GRIK3: variants seen among roughly 807,000 people sequenced by gnomAD.
GRIK3 encodes glutamate ionotropic receptor kainate type subunit 3.
In GRIK3, 29 loss-of-function variants were observed where a neutral mutation model predicts 102.5. That is an observed-to-expected ratio of 0.28 (90% CI 0.21 to 0.39). The LOEUF is 0.39. Ranked by LOEUF, GRIK3 falls within the 10% of genes least tolerant of loss-of-function variation. The pLI is 1.00. For missense variants in GRIK3, 908 were observed against 1,252.4 expected (o/e 0.73, Z 4.15); for synonymous variants, 511 against 504.9 (o/e 1.01, Z -0.16).
intron 1 of GRIK3, among the ~76,000 whole-genome samples, chr1:37,024,981 G>T (rs151025119): frequency 5.9e-4 from 90 of 152,294 alleles, no homozygotes; most frequent in African/African-American, 2.1e-3. Flanking sequence ...TAGACTTAGA[G>T]AAAGTAAGTG....
intron 1 of GRIK3, among the ~76,000 whole-genome samples, chr1:37,003,658 T>C (rs1466769816): frequency 3.3e-5 from 5 of 152,184 alleles, no homozygotes; most frequent in Non-Finnish European, 5.9e-5. Flanking sequence ...CAAACCCATG[T>C]CTCTCCCCAA....
At chr1:37,010,476 TC>T (rs1319413628) in intron 1 of GRIK3, among the ~76,000 whole-genome samples, 1 of 151,978 alleles carries the variant, frequency 6.6e-6, no homozygotes, top group Non-Finnish European at 1.5e-5. Flanking sequence ...GGGATTCAAA[TC>T]CAGTGATTTT....
intron 15 of GRIK3, 111 bp downstream of exon 15, chr1:36,804,876 G>T: frequency 7.5e-7 from 1 of 1,337,434 alleles, no homozygotes; most frequent in Non-Finnish European, 1.0e-6. Flanking sequence ...TGCAGGGTGA[G>T]CTGTTGTGAG....
chr1:36,833,927 G>A (rs557585394), intron 10 of GRIK3, among the ~76,000 whole-genome samples: 15 of 152,212 alleles, frequency 9.9e-5, no homozygotes, highest in Admixed American at 2.0e-4. Context: ...CTGACCTCTC[G>A]AGTCTCCAAG....
rs1642382472 is a variant in GRIK3 at position 36,797,634 on chromosome 1, T to G, written c.*4217A>C. The G allele has an allele frequency of 1.3e-5, 2 of 152,284 alleles. No individual in the cohort carries two copies. The highest frequency in any genetic ancestry group is 2.4e-5 in the African/African-American group (1 of 41,474). The allele number at this position is 152,284 out of a possible 1,614,324, so 9.4% of individuals were successfully genotyped here. On this transcript the variant is annotated 3_prime_UTR_variant, in exon 16 of 16. Transcript: ENST00000373091. Reference sequence around the variant, plus strand: ...CAGATGATAAGTCCATGCAGCTGTTTGTCCAAACCTCTAGCCCCTTTGCAG... The same window carrying G: ...CAGATGATAAGTCCATGCAGCTGTTGGTCCAAACCTCTAGCCCCTTTGCAG...
intron 1 of GRIK3, among the ~76,000 whole-genome samples, chr1:36,912,119 G>A (rs923954780): frequency 3.9e-5 from 6 of 152,212 alleles, no homozygotes; most frequent in Middle Eastern, 3.4e-3. Context: ...TCTGCGTCTC[G>A]CTTTTCCTTC....
Position 36,890,211 on chromosome 1 carries a change from C to T in GRIK3, c.292+709G>A, listed in dbSNP as rs369497496. 3.3e-4 allele frequency among the ~76,000 whole-genome samples: 50 copies of T among 152,168 alleles called. No homozygotes were observed. The South Asian group carries it at 5.2e-3, about 16-fold the overall frequency. The stretch of plus-strand genomic sequence containing the variant: ...TGGCCAGGCACAGTGGCCTGTAATC[C>T]CAGTACTCTGGGAGGCTGAGGTGGG... On this transcript the variant is annotated intron_variant, in intron 2 of 15. Coordinates refer to ENST00000373091, the MANE Select transcript of GRIK3 (RefSeq NM_000831.4).
intron 10 of GRIK3, among the ~76,000 whole-genome samples, chr1:36,841,394 G>A (rs1640447462): frequency 6.6e-6 from 1 of 152,214 alleles, no homozygotes; most frequent in African/African-American, 2.4e-5. Context: ...GCATCCTCTG[G>A]TGGTTTTTAA....
intron 9 of GRIK3, among the ~76,000 whole-genome samples, chr1:36,842,371 C>T (rs544537319): frequency 7.9e-5 from 12 of 152,286 alleles, no homozygotes; most frequent in South Asian, 4.1e-4. Flanking sequence ...CTAACTGAAC[C>T]GGAAACTCTG....
chr1:36,946,993 C>T (rs1308274536), intron 1 of GRIK3, among the ~76,000 whole-genome samples: 1 of 152,014 alleles, frequency 6.6e-6, no homozygotes, highest in Non-Finnish European at 1.5e-5. Context: ...AGAGGAGAAG[C>T]CCAGATACTT....
intron 8 of GRIK3, among the ~76,000 whole-genome samples, chr1:36,851,573 C>G (rs914188357): frequency 6.6e-6 from 1 of 152,232 alleles, no homozygotes. Flanking sequence ...ACATGAAGAG[C>G]ACAGACCCTC....
At chr1:36,857,875 C>A (rs1214979253) in intron 7 of GRIK3, among the ~76,000 whole-genome samples, 6 of 152,198 alleles carry the variant, frequency 3.9e-5, no homozygotes, top group African/African-American at 1.4e-4. Flanking sequence ...CCTGATGCCT[C>A]CCTCTCTAGG....
At chr1:36,946,625 A>G (rs1641787630) in intron 1 of GRIK3, among the ~76,000 whole-genome samples, 1 of 152,150 alleles carries the variant, frequency 6.6e-6, no homozygotes, top group Non-Finnish European at 1.5e-5. Flanking sequence ...CAATACCACA[A>G]ACAGTAATAA....
chr1:36,839,295 GCTGA>G (rs1447261376), intron 10 of GRIK3, among the ~76,000 whole-genome samples: 9 of 152,176 alleles, frequency 5.9e-5, no homozygotes, highest in Non-Finnish European at 1.3e-4. Flanking sequence ...TCTGGGGCCT[GCTGA>G]CTAATTTCCA....
chr1:36,830,520 A>T (rs1640258909), intron 10 of GRIK3, among the ~76,000 whole-genome samples: 1 of 152,134 alleles, frequency 6.6e-6, no homozygotes, highest in Non-Finnish European at 1.5e-5. Context: ...AAGAAGAGGA[A>T]AAGAGGAGAC....
chr1:36,985,184 G>A (rs1388196453), intron 1 of GRIK3, among the ~76,000 whole-genome samples: 2 of 152,144 alleles, frequency 1.3e-5, no homozygotes, highest in African/African-American at 2.4e-5. Context: ...CAGGTTCTTA[G>A]GTGGTGGTGG....
At chr1:36,804,871 G>T (rs1213557324) in intron 15 of GRIK3, 116 bp downstream of exon 15, 1 of 1,315,114 alleles carries the variant, frequency 7.6e-7, no homozygotes, top group Non-Finnish European at 1.1e-6. Flanking sequence ...CTGGATGCAG[G>T]GTGAGCTGTT....
At chr1:37,003,253 A>G (rs2124037738) in intron 1 of GRIK3, among the ~76,000 whole-genome samples, 1 of 152,318 alleles carries the variant, frequency 6.6e-6, no homozygotes, top group East Asian at 1.9e-4. Context: ...ATGAAAAGTG[A>G]GCTATCATAT....
chr1:36,880,528 C>T lies in GRIK3; in HGVS notation c.550+106G>A. The T allele has an allele frequency of 1.8e-6, 2 of 1,140,808 alleles. No homozygotes were observed. Among genetic ancestry groups the T allele is most frequent in the Non-Finnish European group, 2.6e-6 (2 of 769,310 alleles). The allele number at this position is 1,140,808 out of a possible 1,614,324, so 70.7% of individuals were successfully genotyped here. A position where few individuals can be genotyped will look rare whatever the true frequency, so the allele number is the denominator to read the frequency against. On this transcript the variant is annotated intron_variant, in intron 3 of 15. Transcript: ENST00000373091. This position sits in a 1 kb window ranked among gnomAD's most constrained non-coding sequence, Gnocchi z 5.4. The stretch of plus-strand genomic sequence containing the variant: ...AGTGGAACTGGGGTATGGAACACAG[C>T]CTCTTCCCCCAGGGCAGCTGTGCTG...
Sources: gnomAD v4.1 joint callset for allele counts (sites outside exome capture counted in the v4.1 genomes callset) on GRCh38, gnomAD v4.1.1 for gene constraint, Gnocchi (gnomAD v3.1) non-coding constraint, MANE v1.5 for transcripts, NCBI Gene and HGNC (gene_info 2026-07-23, HGNC 2026-07-21) for gene names.